Variants in TSHZ2 observed in about 807,000 individuals in gnomAD.
TSHZ2 encodes teashirt homolog 2.
In TSHZ2, 21 loss-of-function variants were observed where a neutral mutation model predicts 74.4. That is an observed-to-expected ratio of 0.28 (90% CI 0.20 to 0.41). The LOEUF (loss-of-function observed/expected upper bound fraction) is 0.41, where lower values mean the gene tolerates loss of function less well. TSHZ2 is among the 10% of genes least tolerant of loss of function. The pLI, the probability that TSHZ2 is intolerant of heterozygous loss-of-function variation, is 1.00. For synonymous variants in TSHZ2, 540 were observed against 515.3 expected (o/e 1.05, Z -0.65); for missense variants, 1,244 against 1,293.5 (o/e 0.96, Z 0.59).
At chr20:53,085,390 G>A (rs931424756) in intron 1 of TSHZ2, among the ~76,000 whole-genome samples, 1 of 151,810 alleles carries the variant, frequency 6.6e-6, no homozygotes, top group African/African-American at 2.4e-5. Flanking sequence ...GAGAGAGAGA[G>A]AAAGAAAGAA....
intron 2 of TSHZ2, among the ~76,000 whole-genome samples, chr20:53,476,094 G>A (rs1434926448): frequency 1.4e-5 from 2 of 143,202 alleles, no homozygotes; most frequent in Non-Finnish European, 3.0e-5. Flanking sequence ...GGAGGAACTG[G>A]TACCATTCCT....
intron 2 of TSHZ2, among the ~76,000 whole-genome samples, chr20:53,434,250 T>C (rs1983957280): frequency 6.6e-6 from 1 of 152,198 alleles, no homozygotes. Context: ...GTATTTCCCA[T>C]GAATTCTAAG....
intron 1 of TSHZ2, among the ~76,000 whole-genome samples, chr20:53,193,601 G>A (rs1400871387): frequency 3.3e-5 from 5 of 152,218 alleles, no homozygotes; most frequent in Non-Finnish European, 1.5e-5. Context: ...CTAGAACACA[G>A]CTGATGTTAA....
intron 2 of TSHZ2, among the ~76,000 whole-genome samples, chr20:53,363,316 A>G (rs1450574819): frequency 2.0e-5 from 3 of 152,240 alleles, no homozygotes; most frequent in Non-Finnish European, 2.9e-5. Flanking sequence ...ACTTCTTAGA[A>G]GCCCAACCTA....
chr20:53,337,966 A>G (rs1274402483), intron 2 of TSHZ2, among the ~76,000 whole-genome samples: 1 of 152,216 alleles, frequency 6.6e-6, no homozygotes, highest in African/African-American at 2.4e-5. Flanking sequence ...GCACAGGCTC[A>G]AAGCTATGTT....
At chr20:53,053,480 GATTC>G (rs1004808215) in intron 1 of TSHZ2, among the ~76,000 whole-genome samples, 5 of 151,992 alleles carry the variant, frequency 3.3e-5, no homozygotes, top group African/African-American at 1.2e-4. Context: ...GCAGACAATG[GATTC>G]ATTCCCCCAC....
intron 1 of TSHZ2, among the ~76,000 whole-genome samples, chr20:53,151,988 T>A (rs1241786898): frequency 2.0e-5 from 3 of 152,186 alleles, no homozygotes; most frequent in Non-Finnish European, 4.4e-5. Flanking sequence ...TTCTCTTCTG[T>A]TTAGAACTGA....
At chr20:53,282,658 T>A (rs1991087111) in intron 2 of TSHZ2, among the ~76,000 whole-genome samples, 1 of 152,082 alleles carries the variant, frequency 6.6e-6, no homozygotes, top group Non-Finnish European at 1.5e-5. Context: ...GGTGACAGAG[T>A]TAGGATTTAA....
chr20:53,176,296 T>C (rs949833465), intron 1 of TSHZ2, among the ~76,000 whole-genome samples: 36 of 152,198 alleles, frequency 2.4e-4, no homozygotes, highest in African/African-American at 8.4e-4. Flanking sequence ...GAAATAGTTC[T>C]TTGCCCTCAT....
intron 1 of TSHZ2, among the ~76,000 whole-genome samples, chr20:53,223,216 C>T (rs764875588): frequency 2.0e-5 from 3 of 151,984 alleles, no homozygotes; most frequent in Non-Finnish European, 4.4e-5. Context: ...CCACCTATGG[C>T]AGGATTTCCC....
rs1395069890 is a variant in TSHZ2, at chr20:53,469,066, T to C, written c.*9-18078T>C. On this transcript the variant is annotated intron_variant, in intron 2 of 2. Coordinates refer to ENST00000371497, the MANE Select transcript of TSHZ2 (RefSeq NM_173485.6). ...TATTTTATATATATATATATATATATATATATATATATATATATGTACATA... is the reference window on the plus strand; with the variant it reads ...TATTTTATATATATATATATATATACATATATATATATATATATGTACATA... Among the ~76,000 whole-genome samples, 61 of 126,892 alleles carry C rather than the reference T, an allele frequency of 4.8e-4. 2 individuals carry two copies. Among genetic ancestry groups the C allele is most frequent in the African/African-American group, 1.8e-3 (60 of 33,918 alleles). The allele number at this position is 126,892 out of a possible 152,430, so 83.2% of individuals were successfully genotyped here. A position where few individuals can be genotyped will look rare whatever the true frequency, so the allele number is the denominator to read the frequency against.
intron 2 of TSHZ2, among the ~76,000 whole-genome samples, chr20:53,391,486 T>G (rs1420752677): frequency 6.6e-6 from 1 of 151,758 alleles, no homozygotes; most frequent in Non-Finnish European, 1.5e-5. Context: ...TTTGTTTTTT[T>G]TTTTTTACAA....
intron 1 of TSHZ2, among the ~76,000 whole-genome samples, chr20:52,985,681 A>G (rs1025670116): frequency 2.0e-5 from 3 of 152,236 alleles, no homozygotes; most frequent in African/African-American, 7.2e-5. Context: ...GACCTGGCAC[A>G]TAGACGATGC....
At chr20:53,361,665 G>A (rs940784395) in intron 2 of TSHZ2, among the ~76,000 whole-genome samples, 4 of 152,092 alleles carry the variant, frequency 2.6e-5, no homozygotes, top group Non-Finnish European at 5.9e-5. Context: ...TTGGGGGATC[G>A]GTTGTCACAA....
At chr20:53,012,893 C>T (rs560638698) in intron 1 of TSHZ2, among the ~76,000 whole-genome samples, 16 of 152,212 alleles carry the variant, frequency 1.1e-4, no homozygotes, top group African/African-American at 1.9e-4. Context: ...TTCAAAAAAA[C>T]GACCAAATGC....
chr20:53,425,048 T>C (rs896194678), intron 2 of TSHZ2, among the ~76,000 whole-genome samples: 2 of 152,222 alleles, frequency 1.3e-5, no homozygotes, highest in Non-Finnish European at 2.9e-5. Flanking sequence ...ATCTTTATAA[T>C]AGAATGATTT....
At chr20:53,346,662 G>C (rs995933956) in intron 2 of TSHZ2, among the ~76,000 whole-genome samples, 1 of 152,178 alleles carries the variant, frequency 6.6e-6, no homozygotes, top group Non-Finnish European at 1.5e-5. Flanking sequence ...TAGAGTGTTT[G>C]CTCATTAGCT....
chr20:53,323,661 C>T lies in TSHZ2; in HGVS notation c.*8+67090C>T, dbSNP rs189124796. 4.3e-3 allele frequency among the ~76,000 whole-genome samples: 611 copies of T among 143,472 alleles called. 7 individuals carry two copies. The highest frequency in any genetic ancestry group is 3.2e-3 in the Non-Finnish European group (215 of 66,500). 94.1% of individuals were successfully genotyped at this position (143,472 alleles called of 152,430 possible). A position where few individuals can be genotyped will look rare whatever the true frequency, so the allele number is the denominator to read the frequency against. On this transcript the variant is annotated intron_variant, in intron 2 of 2. Transcript: ENST00000371497. ...TGCAATCTCTGGTCACTGCAACCTC[C>T]GACTCCCAGGTTCAAGCGATTATCT... is the stretch of plus-strand genomic sequence containing the variant.
intron 2 of TSHZ2, among the ~76,000 whole-genome samples, chr20:53,393,486 G>T (rs1018352986): frequency 5.3e-5 from 8 of 152,212 alleles, no homozygotes; most frequent in Non-Finnish European, 1.2e-4. Flanking sequence ...TTGATGGGAA[G>T]ATTAAATGAA....
Sources: allele counts gnomAD v4.1 joint callset (sites outside exome capture counted in the v4.1 genomes callset), GRCh38; gene constraint gnomAD v4.1.1; transcripts MANE v1.5; gene names NCBI Gene and HGNC (gene_info 2026-07-23, HGNC 2026-07-21).